Variants in BCO1 observed in about 807,000 individuals in gnomAD.
The protein encoded by BCO1 is beta,beta-carotene 15,15'-dioxygenase.
In BCO1, 54 loss-of-function variants were observed where a neutral mutation model predicts 56.3. That is an observed-to-expected ratio of 0.96 (90% CI 0.77 to 1.20). The LOEUF (loss-of-function observed/expected upper bound fraction) is 1.20, where lower values mean the gene tolerates loss of function less well. Among genes scored for constraint, BCO1 ranks in the 50% most tolerant of loss-of-function variants. The pLI, the probability that BCO1 is intolerant of heterozygous loss-of-function variation, is 0.00. For synonymous variants in BCO1, 318 were observed against 266.1 expected, an observed-to-expected ratio of 1.20 and a Z score of -1.90; for missense variants, 801 against 690.9, an observed-to-expected ratio of 1.16 and a Z score of -1.79.
chr16:81,281,366 A>G (rs1392128904), intron 8 of BCO1, among the ~76,000 whole-genome samples: 1 of 152,188 alleles, frequency 6.6e-6, no homozygotes, highest in Non-Finnish European at 1.5e-5. Context: ...GAATCACTTG[A>G]GCCCAGGAGG....
chr16:81,262,089 C>T (rs766585824), intron 3 of BCO1, 47 bp from the exon 4 acceptor site: 1 of 1,605,030 alleles, frequency 6.2e-7, no homozygotes, highest in East Asian at 2.2e-5. Context: ...ACTTCTCTGG[C>T]TGGGTGGACA....
intron 1 of BCO1, among the ~76,000 whole-genome samples, chr16:81,244,933 C>T (rs1905310888): frequency 6.6e-6 from 1 of 152,034 alleles, no homozygotes; most frequent in African/African-American, 2.4e-5. Flanking sequence ...TCTTGTTGCC[C>T]AGACTTTAGT....
chr16:81,238,738 G>C lies in BCO1; in HGVS notation c.-171G>C. 2.9e-6 allele frequency: 2 copies of C among 694,606 alleles called. No individual in the cohort carries two copies. The highest frequency in any genetic ancestry group is 5.3e-6 in the Non-Finnish European group (2 of 378,134). The allele number at this position is 694,606 out of a possible 1,614,324, so 43.0% of individuals were successfully genotyped here. On this transcript the variant is annotated 5_prime_UTR_variant, in exon 1 of 11. Coordinates refer to ENST00000258168, the MANE Select transcript of BCO1 (RefSeq NM_017429.3). The stretch of plus-strand genomic sequence containing the variant: ...CTTGGAGAGGGACAAGTGAGAGCCA[G>C]CCAAAAAGGAAAAAGCAAAGGCAGA...
intron 8 of BCO1, among the ~76,000 whole-genome samples, chr16:81,282,237 G>C (rs1362724269): frequency 6.6e-6 from 1 of 152,130 alleles, no homozygotes; most frequent in Non-Finnish European, 1.5e-5. Flanking sequence ...AAATTAGCCG[G>C]CATGGTGGTG....
chr16:81,282,730 T>G (rs1213926836), intron 8 of BCO1, among the ~76,000 whole-genome samples: 1 of 151,794 alleles, frequency 6.6e-6, no homozygotes, highest in Non-Finnish European at 1.5e-5. Context: ...TTGTCCACAC[T>G]AAAAAGTGTA....
intron 8 of BCO1, among the ~76,000 whole-genome samples, 154 bp downstream of exon 8, chr16:81,281,116 T>C (rs901221698): frequency 1.3e-5 from 2 of 152,074 alleles, no homozygotes; most frequent in Non-Finnish European, 2.9e-5. Context: ...TCTGGGGACA[T>C]TTCTCTTTTC....
At chr16:81,262,414 G>A (rs1906546004) in intron 4 of BCO1, 131 bp downstream of exon 4, 9 of 931,678 alleles carry the variant, frequency 9.7e-6, no homozygotes, top group African/African-American at 4.9e-5. Flanking sequence ...GTTGGATCCC[G>A]TGCCCTAGCG....
At chr16:81,277,627 T>C (rs1336701890) in intron 7 of BCO1, among the ~76,000 whole-genome samples, 2 of 152,190 alleles carry the variant, frequency 1.3e-5, no homozygotes, top group Non-Finnish European at 2.9e-5. Flanking sequence ...CGAATCTGCA[T>C]GGAAAACCAC....
At chr16:81,246,260 G>T (rs74746588) in intron 2 of BCO1, among the ~76,000 whole-genome samples, 1 of 151,818 alleles carries the variant, frequency 6.6e-6, no homozygotes, top group African/African-American at 2.4e-5. Context: ...TGATTACATT[G>T]AATCCACTCA....
chr16:81,266,488 C>T (rs147752173), intron 5 of BCO1, among the ~76,000 whole-genome samples: 1 of 152,152 alleles, frequency 6.6e-6, no homozygotes, highest in African/African-American at 2.4e-5. Flanking sequence ...TTGTAGAGCC[C>T]CCTGAGCAAA....
chr16:81,262,177 A>G lies in BCO1; in HGVS notation c.365A>G (p.Asp122Gly), dbSNP rs373346551. 3 of 1,613,924 alleles carry G rather than the reference A, an allele frequency of 1.9e-6. No homozygotes were observed. Among genetic ancestry groups the G allele is most frequent in the Non-Finnish European group, 2.5e-6 (3 of 1,179,974 alleles). ...YLSHTIPDFT[D>G]NCLINIMKCG... ...TCTCACACCATCCCCGATTTCACCG[A>G]CAACTGCCTGATCAACATCATGAAG... Residue 122 changes from aspartate (D) to glycine (G), a missense_variant, in exon 4 of 11, where the codon GAC (aspartate) becomes GGC (glycine). Asp to Gly is a moderately conservative substitution (Grantham distance 94). Coordinates refer to ENST00000258168, the MANE Select transcript of BCO1 (RefSeq NM_017429.3).
chr16:81,271,896 C>T (rs1907239985), intron 7 of BCO1, among the ~76,000 whole-genome samples: 1 of 151,740 alleles, frequency 6.6e-6, no homozygotes, highest in South Asian at 2.1e-4. Context: ...ATTACAGGTG[C>T]CCACCACCAT....
chr16:81,249,597 C>T (rs1385702981), intron 2 of BCO1, among the ~76,000 whole-genome samples: 3 of 151,964 alleles, frequency 2.0e-5, no homozygotes, highest in African/African-American at 7.2e-5. Context: ...ATGGGGGTTT[C>T]ATCATGTTGG....
chr16:81,289,342 A>C (rs1380571820), intron 10 of BCO1, among the ~76,000 whole-genome samples: 1 of 152,194 alleles, frequency 6.6e-6, no homozygotes, highest in African/African-American at 2.4e-5. Context: ...AATTGGGCCC[A>C]TTGAAATGCC....
Position 81,264,685 on chromosome 16 carries a change from C to A in BCO1, c.517C>A (p.Pro173Thr). Residue 173 changes from proline to threonine, a missense_variant, in exon 5 of 11, where the codon CCC becomes ACC. By Grantham distance (38) the Pro-to-Thr change is conservative. Coordinates refer to ENST00000258168, the MANE Select transcript of BCO1 (RefSeq NM_017429.3). ...YVAVNLATSHPHYDEAGNVLN... is the reference protein window; with the variant it reads ...YVAVNLATSHTHYDEAGNVLN... ...GGCGGTAAATCTGGCAACGTCACAT[C>A]CCCATTATGATGAGGCTGGAAATGT... The A allele has an allele frequency of 8.7e-6, 14 of 1,614,114 alleles. No homozygotes were observed. The highest frequency in any genetic ancestry group is 1.2e-5 in the Non-Finnish European group (14 of 1,179,970).
At chr16:81,244,179 G>A (rs7205123) in intron 1 of BCO1, among the ~76,000 whole-genome samples, 56,985 of 152,188 alleles carry the variant, frequency 0.37, 11,069 homozygotes, top group African/African-American at 0.47. Context: ...CTGTAGGAAG[G>A]GACGAACGCT....
At chr16:81,245,860 T>TG (rs1477460371) in intron 2 of BCO1, among the ~76,000 whole-genome samples, 5 of 142,194 alleles carry the variant, frequency 3.5e-5, no homozygotes, top group African/African-American at 1.3e-4. Context: ...TTTTTTTTTT[T>TG]TTTTTTTTTT....
chr16:81,263,017 G>C (rs769265093), intron 4 of BCO1: 5 of 152,380 alleles, frequency 3.3e-5, no homozygotes, highest in African/African-American at 1.2e-4. Context: ...GCAACCCCTG[G>C]TGTTCCTCAG....
chr16:81,261,577 G>C (rs920112445), intron 3 of BCO1, among the ~76,000 whole-genome samples: 15 of 152,146 alleles, frequency 9.9e-5, no homozygotes, highest in African/African-American at 3.1e-4. Context: ...AGAGACCTTT[G>C]GGTTTTGGGG....
Sources: gnomAD v4.1 joint callset for allele counts (sites outside exome capture counted in the v4.1 genomes callset) on GRCh38, gnomAD v4.1.1 for gene constraint, MANE v1.5 for transcripts, NCBI Gene and HGNC (gene_info 2026-07-23, HGNC 2026-07-21) for gene names.